The following VPS13A variants were observed in gnomAD, a reference collection of about 807,000 sequenced individuals.
VPS13A encodes intermembrane lipid transfer protein VPS13A.
In VPS13A, 264 loss-of-function variants were observed where a neutral mutation model predicts 390.9. The ratio of observed to expected loss-of-function variants is 0.68; its 90% confidence interval spans 0.61 to 0.75. The LOEUF is 0.75. Among genes scored for constraint, VPS13A ranks in the 30% least tolerant of loss-of-function variants. The pLI, the probability that VPS13A is intolerant of heterozygous loss-of-function variation, is 0.00. For synonymous variants in VPS13A, 1,231 were observed against 1,227.1 expected (o/e 1.00, Z -0.07); for missense variants, 3,409 against 3,733.9 (o/e 0.91, Z 2.27).
chr9:77,208,623 C>T (rs1339950384), intron 5 of VPS13A, among the ~76,000 whole-genome samples: 3 of 147,900 alleles, frequency 2.0e-5, no homozygotes, highest in Non-Finnish European at 4.5e-5. Context: ...GATCTCGGCT[C>T]ACTGCAGCCT....
intron 5 of VPS13A, among the ~76,000 whole-genome samples, chr9:77,207,999 A>G (rs1825774664): frequency 6.6e-6 from 1 of 152,220 alleles, no homozygotes; most frequent in South Asian, 2.1e-4. Flanking sequence ...TGACAGTAAT[A>G]TGCAAAAAAA....
chr9:77,371,022 C>G lies in VPS13A; in HGVS notation c.8954-4C>G, dbSNP rs751339468. 1.9e-6 allele frequency: 3 copies of G among 1,613,916 alleles called. No homozygotes were observed. In the South Asian group the frequency reaches 3.3e-5, roughly 18 times the overall value. ...AATTGTCAAAAACTCTTTTTTCTTT[C>G]CAGGAGCTCAAAAAGGAGGAGCAGC... On this transcript the variant is annotated splice_polypyrimidine_tract_variant and splice_region_variant and intron_variant, in intron 66 of 71. Coordinates refer to ENST00000360280, the MANE Select transcript of VPS13A (RefSeq NM_033305.3).
chr9:77,394,063 C>G (rs896451470), intron 68 of VPS13A, among the ~76,000 whole-genome samples: 1 of 151,708 alleles, frequency 6.6e-6, no homozygotes, highest in Non-Finnish European at 1.5e-5. Context: ...CCACCACACC[C>G]GGCACTTTTT....
At chr9:77,376,697 C>A (rs1318974093) in intron 67 of VPS13A, among the ~76,000 whole-genome samples, 3 of 152,032 alleles carry the variant, frequency 2.0e-5, no homozygotes, top group African/African-American at 7.3e-5. Context: ...CAAATGGAGA[C>A]ATCACGTTAT....
At chr9:77,264,212 T>C (rs1825907679) in intron 23 of VPS13A, among the ~76,000 whole-genome samples, 1 of 152,218 alleles carries the variant, frequency 6.6e-6, no homozygotes, top group African/African-American at 2.4e-5. Context: ...GTAGTATAGT[T>C]TGAAGTCAGG....
intron 40 of VPS13A, 58 bp from the exon 41 acceptor site, chr9:77,318,177 C>G: frequency 1.1e-6 from 1 of 914,226 alleles, no homozygotes; most frequent in South Asian, 1.8e-5. Context: ...TTTAATATTT[C>G]TTGACGTAGT....
chr9:77,211,682 G>T (rs1464312389), intron 7 of VPS13A: 1 of 152,130 alleles, frequency 6.6e-6, no homozygotes, highest in Non-Finnish European at 1.5e-5. Flanking sequence ...TAAGAATGGA[G>T]AATTAGCCAT....
chr9:77,295,995 G>A, intron 33 of VPS13A, 149 bp downstream of exon 33: 1 of 889,256 alleles, frequency 1.1e-6, no homozygotes, highest in South Asian at 2.0e-5. Flanking sequence ...AGTATATTTT[G>A]GCAAAATCAA....
chr9:77,380,678 C>T (rs1029294205), intron 67 of VPS13A, among the ~76,000 whole-genome samples: 5 of 152,162 alleles, frequency 3.3e-5, no homozygotes, highest in East Asian at 3.8e-4. Flanking sequence ...ATTATGTTAG[C>T]GGTCCCCAGC....
rs117591510 is a variant in VPS13A at position 77,357,790 on chromosome 9, C to G, written c.7905C>G (p.Asn2635Lys). 2.1e-4 allele frequency: 342 copies of G among 1,613,600 alleles called. No homozygotes were observed. Among genetic ancestry groups the G allele is most frequent in the Non-Finnish European group, 2.8e-4 (331 of 1,179,768 alleles). Residue 2635 changes from asparagine (N) to lysine (K), a missense_variant, in exon 56 of 72, where the codon AAC becomes AAG. This residue lies in a region of VPS13A where 221 missense variants were observed against 300.7 expected (regional missense o/e 0.73). Transcript: ENST00000360280. ...NYLPALKVEY[N>K]TSAHQSSFRI... ...TTCCAGCATTAAAAGTGGAATATAA[C>G]ACATCTGCACATCAATCATCATTTA...
intron 1 of VPS13A, among the ~76,000 whole-genome samples, chr9:77,193,348 A>G (rs62573163): frequency 0.1 from 15,761 of 152,180 alleles, 843 homozygotes; most frequent in Middle Eastern, 0.13. Flanking sequence ...AAGAACCATC[A>G]CTAGGCTGGG....
chr9:77,203,188 T>C (rs1444796019), intron 3 of VPS13A, among the ~76,000 whole-genome samples: 1 of 152,208 alleles, frequency 6.6e-6, no homozygotes, highest in African/African-American at 2.4e-5. Flanking sequence ...GAGGTTGTCT[T>C]CTGTGGAAGG....
At chr9:77,186,066 C>T (rs996215798) in intron 1 of VPS13A, among the ~76,000 whole-genome samples, 5 of 152,020 alleles carry the variant, frequency 3.3e-5, no homozygotes, top group Non-Finnish European at 5.9e-5. Flanking sequence ...GGCAGTGAGC[C>T]GAGATTGTGC....
chr9:77,352,856 A>G (rs552737321), intron 53 of VPS13A, among the ~76,000 whole-genome samples: 124 of 152,286 alleles, frequency 8.1e-4, no homozygotes, highest in African/African-American at 2.9e-3. Context: ...TAATGGCTGA[A>G]TATTAATTAT....
chr9:77,344,343 T>C (rs1279883014), intron 51 of VPS13A, 62 bp downstream of exon 51: 1 of 1,522,828 alleles, frequency 6.6e-7, no homozygotes, highest in South Asian at 1.2e-5. Flanking sequence ...TGACTAGTAT[T>C]GTATTTATTT....
intron 50 of VPS13A, among the ~76,000 whole-genome samples, chr9:77,343,354 C>A (rs562466312): frequency 3.3e-5 from 5 of 152,308 alleles, no homozygotes; most frequent in African/African-American, 1.2e-4. Flanking sequence ...AGCTAAGACA[C>A]TTAGCTCTAA....
rs575895668 is a variant in VPS13A at position 77,362,171 on chromosome 9, C to A, written c.8211+1530C>A. Among the ~76,000 whole-genome samples, 9 of 152,138 alleles carry A rather than the reference C, an allele frequency of 5.9e-5. 1 individual carries two copies. The highest frequency in any genetic ancestry group is 2.2e-4 in the African/African-American group (9 of 41,536). On this transcript the variant is annotated intron_variant, in intron 59 of 71. Transcript: ENST00000360280. ...ATCAAAAGTTAAAGTTAATGAAGTTCAAATTATTTTTTATTTTGTTGCTCA... is the reference window on the plus strand; with the variant it reads ...ATCAAAAGTTAAAGTTAATGAAGTTAAAATTATTTTTTATTTTGTTGCTCA...
At chr9:77,318,184 T>C in intron 40 of VPS13A, 51 bp from the exon 41 acceptor site, 1 of 991,526 alleles carries the variant, frequency 1.0e-6, no homozygotes, top group Non-Finnish European at 1.5e-6. Context: ...TTTCTTGACG[T>C]AGTATGTTTG....
intron 22 of VPS13A, among the ~76,000 whole-genome samples, chr9:77,254,489 T>C (rs1433183559): frequency 5.3e-5 from 8 of 152,206 alleles, no homozygotes; most frequent in Non-Finnish European, 1.2e-4. Context: ...TTTAACTTTG[T>C]TCTTTCGATT....
Sources: gnomAD v4.1 joint callset for allele counts (sites outside exome capture counted in the v4.1 genomes callset) on GRCh38, gnomAD v4.1.1 for gene constraint, gnomAD v4.1.1 regional missense constraint, MANE v1.5 for transcripts, NCBI Gene and HGNC (gene_info 2026-07-23, HGNC 2026-07-21) for gene names.